Variants in AKAP8L observed in about 807,000 individuals in gnomAD.
AKAP8L encodes the protein A-kinase anchor protein 8-like.
A neutral mutation model predicts 77.5 loss-of-function variants in AKAP8L; 34 were observed. The observed-to-expected ratio is 0.44, with a 90% CI of 0.33 to 0.58. AKAP8L has a LOEUF of 0.58. AKAP8L is among the 20% of genes least tolerant of loss of function. The pLI is 0.02. For missense variants in AKAP8L, 806 were observed against 887.6 expected (o/e 0.91, Z 1.17); for synonymous variants, 342 against 340.7 (o/e 1.00, Z -0.04).
intron 12 of AKAP8L, among the ~76,000 whole-genome samples, chr19:15,390,419 A>C (rs1478768326): frequency 1.7e-4 from 1 of 6,058 alleles, no homozygotes; most frequent in Non-Finnish European, 2.9e-4. Context: ...ACCCTGTCTC[A>C]AAAAAAAAAA....
At chr19:15,396,115 CA>C (rs1162201905) in intron 12 of AKAP8L, among the ~76,000 whole-genome samples, 1 of 152,040 alleles carries the variant, frequency 6.6e-6, no homozygotes, top group Non-Finnish European at 1.5e-5. Context: ...TCTCTGCAAC[CA>C]GAGAGACCCC....
chr19:15,406,988 G>A (rs1968014070), intron 2 of AKAP8L, among the ~76,000 whole-genome samples: 2 of 152,214 alleles, frequency 1.3e-5, no homozygotes, highest in African/African-American at 2.4e-5. Flanking sequence ...CCAGCCAGGC[G>A]CAGTGGCTCA....
intron 1 of AKAP8L, 97 bp downstream of exon 1, chr19:15,418,814 C>A: frequency 7.7e-7 from 1 of 1,291,280 alleles, no homozygotes; most frequent in Non-Finnish European, 1.1e-6. Context: ...AAGGCAGTGA[C>A]GGGGCCCCAG....
Position 15,403,947 on chromosome 19 carries a change from G to A in AKAP8L, c.121+63C>T, listed in dbSNP as rs1967950585. ...CCAACCTTGGCCAAGCAGGGCAGTGGCAGAGAAACACAGCCAGGACAACCC... is the reference window on the plus strand; with the variant it reads ...CCAACCTTGGCCAAGCAGGGCAGTGACAGAGAAACACAGCCAGGACAACCC... On this transcript the variant is annotated intron_variant, in intron 3 of 13. Transcript: ENST00000397410. The surrounding 1 kb of genome is among the most constrained non-coding windows in gnomAD (Gnocchi z 4.3). 1 of 1,592,432 alleles carries A rather than the reference G, an allele frequency of 6.3e-7. No homozygotes were observed. Among genetic ancestry groups the A allele is most frequent in the African/African-American group, 1.3e-5 (1 of 74,392 alleles).
intron 1 of AKAP8L, among the ~76,000 whole-genome samples, chr19:15,418,196 C>T (rs1445145242): frequency 1.3e-5 from 2 of 152,238 alleles, no homozygotes; most frequent in African/African-American, 4.8e-5. Flanking sequence ...ATCCTACACT[C>T]GCTTATTTGC....
intron 1 of AKAP8L, among the ~76,000 whole-genome samples, chr19:15,414,522 T>C (rs1968168066): frequency 6.6e-6 from 1 of 151,662 alleles, no homozygotes; most frequent in South Asian, 2.1e-4. Flanking sequence ...GGAGTCTCGC[T>C]CTGTCGCCCA....
intron 12 of AKAP8L, among the ~76,000 whole-genome samples, chr19:15,387,934 G>C (rs1967574726): frequency 6.6e-6 from 1 of 151,980 alleles, no homozygotes; most frequent in South Asian, 2.1e-4. Context: ...ATTCCAGCCT[G>C]GGCAACAGAG....
In AKAP8L at chr19:15,400,969, C is replaced by T. The variant is rs772789156; in HGVS notation, c.891G>A (p.Ser297=). The change falls in exon 6 of 14, where the codon TCG becomes TCA. Residue 297 remains serine (S), a synonymous_variant. Coordinates refer to ENST00000397410, the MANE Select transcript of AKAP8L (RefSeq NM_014371.4). ...PDSKATRTDC[S]DNSDSDNDEG... Reference sequence around the variant, plus strand: ...CACCATTGTCTGAGTCGCTGTTGTCCGAGCAGTCCGTGCGGGTGGCTTTGC... The same window carrying T: ...CACCATTGTCTGAGTCGCTGTTGTCTGAGCAGTCCGTGCGGGTGGCTTTGC... 18 of 1,613,972 alleles carry T rather than the reference C, an allele frequency of 1.1e-5. No individual in the cohort carries two copies. Among genetic ancestry groups the T allele is most frequent in the Admixed American group, 8.3e-5 (5 of 60,020 alleles).
chr19:15,401,238 G>A lies in AKAP8L; in HGVS notation c.728C>T (p.Pro243Leu), dbSNP rs368364568. 111 of 1,613,494 alleles carry A rather than the reference G, an allele frequency of 6.9e-5. No homozygotes were observed. The Middle Eastern group carries it at 8.2e-4, about 12-fold the overall frequency. ...FQGMRGGGAFPGGSRFGFGFG... is the reference protein window; with the variant it reads ...FQGMRGGGAFLGGSRFGFGFG... ...CCCGAAACCAAAGCGGGAGCCGCCC[G>A]GGAAGGCGCCCCCACCTCGCATGCC... The change falls in exon 5 of 14, where the codon CCG becomes CTG. Residue 243 changes from proline to leucine, a missense_variant. Around this residue, in one of 2 missense-constraint regions of AKAP8L, gnomAD observed 580 missense variants for 694.1 expected, o/e 0.84. Coordinates refer to ENST00000397410, the MANE Select transcript of AKAP8L (RefSeq NM_014371.4). The surrounding 1 kb of genome is among the most constrained non-coding windows in gnomAD (Gnocchi z 6.2).
In AKAP8L at chr19:15,391,987, C is replaced by T. The variant is rs149962223; in HGVS notation, c.1536+5163G>A. On this transcript the variant is annotated intron_variant, in intron 12 of 13. Coordinates refer to ENST00000397410, the MANE Select transcript of AKAP8L (RefSeq NM_014371.4). ...CGTAGCGGGGACTACAGGCACTTGC[C>T]GCCACACCTGGCTAACTTGTTTCTT... Among the ~76,000 whole-genome samples, 8 of 152,256 alleles carry T rather than the reference C, an allele frequency of 5.3e-5. 1 individual carries two copies. In the East Asian group the frequency reaches 1.4e-3, roughly 26 times the overall value.
intron 1 of AKAP8L, among the ~76,000 whole-genome samples, chr19:15,413,893 T>G (rs999646243): frequency 1.3e-5 from 2 of 152,102 alleles, no homozygotes; most frequent in African/African-American, 4.8e-5. Flanking sequence ...GCCCTGGTGC[T>G]TCCCTAGGAA....
Position 15,380,235 on chromosome 19 carries a change from C to CCTT in AKAP8L, c.1827_1828insAAG (p.Glu609_Glu610insLys), listed in dbSNP as rs1159755467. ...AAGGGCACGGCGCCCTCCTCCTCCT[C>CCTT]CTCTGGGGGCGGCGGCGGTGGCGGC... On this transcript the variant is annotated inframe_insertion, in exon 14 of 14. Coordinates refer to ENST00000397410, the MANE Select transcript of AKAP8L (RefSeq NM_014371.4). The CCTT allele has an allele frequency of 6.6e-7, 1 of 1,504,050 alleles. No individual in the cohort carries two copies. The highest frequency in any genetic ancestry group is 2.7e-5 in the East Asian group (1 of 37,642). The allele number at this position is 1,504,050 out of a possible 1,614,324, so 93.2% of individuals were successfully genotyped here.
Position 15,380,273 on chromosome 19 carries a change from G to A in AKAP8L, c.1790C>T (p.Pro597Leu), listed in dbSNP as rs1967373470. ...AQPPVPPEPA[P>L]GAVSPPPPPP... Reference sequence around the variant, plus strand: ...CGGCGGTGGCGGCGACACGGCCCCGGGGGCTGGCTCTGGGGGCACGGGAGG... The same window carrying A: ...CGGCGGTGGCGGCGACACGGCCCCGAGGGCTGGCTCTGGGGGCACGGGAGG... The change falls in exon 14 of 14, where the codon CCC becomes CTC. Residue 597 changes from proline to leucine, a missense_variant. Pro to Leu is a moderately conservative substitution (Grantham distance 98, BLOSUM62 -3). Around this residue, in one of 2 missense-constraint regions of AKAP8L, gnomAD observed 226 missense variants for 193.5 expected, o/e 1.17. Coordinates refer to ENST00000397410, the MANE Select transcript of AKAP8L (RefSeq NM_014371.4). 1.3e-6 allele frequency: 2 copies of A among 1,516,044 alleles called. No homozygotes were observed. Among genetic ancestry groups the A allele is most frequent in the Non-Finnish European group, 1.8e-6 (2 of 1,140,236 alleles). The allele number at this position is 1,516,044 out of a possible 1,614,324, so 93.9% of individuals were successfully genotyped here.
intron 1 of AKAP8L, among the ~76,000 whole-genome samples, chr19:15,414,472 C>T (rs1968166147): frequency 6.6e-6 from 1 of 151,764 alleles, no homozygotes; most frequent in Non-Finnish European, 1.5e-5. Flanking sequence ...AATGTTAGAT[C>T]ACAGATTTCT....
At chr19:15,412,462 C>T (rs879474441) in intron 1 of AKAP8L, among the ~76,000 whole-genome samples, 4 of 152,190 alleles carry the variant, frequency 2.6e-5, no homozygotes, top group Admixed American at 2.6e-4. Flanking sequence ...GAAACCAGTG[C>T]TCCTACAGAC....
Position 15,397,554 on chromosome 19 carries a change from G to A in AKAP8L, c.1371C>T (p.Ile457=). 1 of 1,613,774 alleles carries A rather than the reference G, an allele frequency of 6.2e-7. No individual in the cohort carries two copies. The highest frequency in any genetic ancestry group is 8.5e-7 in the Non-Finnish European group (1 of 1,179,892). ...RKTVEDLDGL[I]QQIYRDQDLT... ...GATCCTGGTCTCTGTAGATTTGCTG[G>A]ATGAGGCCATCAAGGTCCTCCACGG... Residue 457 remains isoleucine (I), a synonymous_variant, in exon 11 of 14, where the codon ATC becomes ATT. Transcript: ENST00000397410. The surrounding 1 kb of genome is among the most constrained non-coding windows in gnomAD (Gnocchi z 4.7).
Position 15,380,589 on chromosome 19 carries a change from C to A in AKAP8L, c.1560G>T (p.Lys520Asn). Residue 520 changes from lysine (K) to asparagine (N), a missense_variant, in exon 13 of 14, where the codon AAG becomes AAT. Around this residue, in one of 2 missense-constraint regions of AKAP8L, gnomAD observed 226 missense variants for 193.5 expected, o/e 1.17. Transcript: ENST00000397410. ...TACTGCGGGCCACCATGAGGGAGGACTTCTTGGACTGCTCCATCATGAGCT... is the reference window on the plus strand; with the variant it reads ...TACTGCGGGCCACCATGAGGGAGGAATTCTTGGACTGCTCCATCATGAGCT... Reference protein sequence around the residue: ...NRRLMMEQSKKSSLMVARSIL... With the variant: ...NRRLMMEQSKNSSLMVARSIL... 6.2e-7 allele frequency: 1 copy of A among 1,613,744 alleles called. No homozygotes were observed. Among genetic ancestry groups the A allele is most frequent in the Non-Finnish European group, 8.5e-7 (1 of 1,179,888 alleles).
intron 2 of AKAP8L, among the ~76,000 whole-genome samples, chr19:15,406,362 G>GGAGAGA (rs3040938): frequency 0.068 from 6,035 of 89,184 alleles, 417 homozygotes; most frequent in African/African-American, 0.095. Flanking sequence ...GAAATTTTAA[G>GGAGAGA]GAGAGAGAGA....
chr19:15,409,030 G>C (rs1320689841), intron 2 of AKAP8L, among the ~76,000 whole-genome samples: 2 of 152,014 alleles, frequency 1.3e-5, no homozygotes, highest in Non-Finnish European at 2.9e-5. Context: ...ATGGATCACA[G>C]ACTAAATGTA....
Sources: gnomAD v4.1 joint callset for allele counts (sites outside exome capture counted in the v4.1 genomes callset) on GRCh38, gnomAD v4.1.1 for gene constraint, gnomAD v4.1.1 regional missense constraint, Gnocchi (gnomAD v3.1) non-coding constraint, MANE v1.5 for transcripts, NCBI Gene and HGNC (gene_info 2026-07-23, HGNC 2026-07-21) for gene names.